TENM2: variants seen among roughly 807,000 people sequenced by gnomAD.
TENM2 encodes the protein teneurin transmembrane protein 2, also known as teneurin-2.
A neutral mutation model predicts 245.2 loss-of-function variants in TENM2; 52 were observed. The observed-to-expected ratio is 0.21, with a 90% CI of 0.17 to 0.27. TENM2 has a LOEUF of 0.27. Ranked by LOEUF, TENM2 falls within the 10% of genes least tolerant of loss-of-function variation. The probability of loss-of-function intolerance (pLI) is 1.00; values close to 1 mark genes in which losing one functional copy is unlikely to be tolerated. For missense variants in TENM2, 3,046 were observed against 3,666.8 expected (o/e 0.83, Z 4.37); for synonymous variants, 1,363 against 1,438.9 (o/e 0.95, Z 1.19).
upstream of TENM2, among the ~76,000 whole-genome samples, chr5:167,283,921 C>T (rs193159034): frequency 2.6e-5 from 4 of 152,140 alleles, no homozygotes; most frequent in African/African-American, 9.6e-5. Context: ...CCCTGGTTGC[C>T]AGTTCATATG....
chr5:167,999,799 G>A (rs939265445), intron 5 of TENM2, among the ~76,000 whole-genome samples: 48 of 152,180 alleles, frequency 3.2e-4, no homozygotes, highest in African/African-American at 1.1e-3. Context: ...GGCAGACGCT[G>A]GTGATGAGAG....
chr5:168,191,888 G>A (rs1760996568), intron 14 of TENM2, among the ~76,000 whole-genome samples: 1 of 152,038 alleles, frequency 6.6e-6, no homozygotes, highest in South Asian at 2.1e-4. Context: ...AGAGCTCTCT[G>A]GAAAGTTGGA....
intron 7 of TENM2, among the ~76,000 whole-genome samples, chr5:168,065,487 C>A (rs1219936529): frequency 6.6e-6 from 1 of 152,038 alleles, no homozygotes; most frequent in Non-Finnish European, 1.5e-5. Flanking sequence ...ACAATAACAA[C>A]AAAGGTAAGA....
chr5:167,127,750 A>C, the TENM2 span, among the ~76,000 whole-genome samples: 2 of 152,218 alleles, frequency 1.3e-5, no homozygotes, highest in Middle Eastern at 3.4e-3. Context: ...GATGCTGTGA[A>C]CACATTAAAA....
At chr5:167,068,476 T>A in the TENM2 span, among the ~76,000 whole-genome samples, 1 of 152,238 alleles carries the variant, frequency 6.6e-6, no homozygotes, top group African/African-American at 2.4e-5. Context: ...ATATTTTATT[T>A]AACCTGAGAT....
At chr5:168,055,973 G>T (rs1010050450) in intron 6 of TENM2, among the ~76,000 whole-genome samples, 3 of 152,154 alleles carry the variant, frequency 2.0e-5, no homozygotes, top group African/African-American at 7.2e-5. Flanking sequence ...GTCTAGCTAG[G>T]CATTAGACAT....
chr5:167,024,098 G>A, the TENM2 span, among the ~76,000 whole-genome samples: 3 of 152,092 alleles, frequency 2.0e-5, no homozygotes, highest in African/African-American at 7.2e-5. Flanking sequence ...TTCAAAATAA[G>A]GTAATAGGCT....
intron 2 of TENM2, among the ~76,000 whole-genome samples, chr5:167,411,665 A>G (rs1188323149): frequency 3.3e-5 from 5 of 151,834 alleles, no homozygotes; most frequent in Non-Finnish European, 7.4e-5. Context: ...AGCTTAAAAT[A>G]TCTCTACAGG....
intron 2 of TENM2, among the ~76,000 whole-genome samples, chr5:167,432,391 C>T (rs1764303862): frequency 6.6e-6 from 1 of 151,840 alleles, no homozygotes; most frequent in Admixed American, 6.6e-5. Flanking sequence ...GGTAACCCCA[C>T]TGCATTCTTT....
At chr5:167,657,494 A>G (rs1364129758) in intron 2 of TENM2, among the ~76,000 whole-genome samples, 1 of 152,196 alleles carries the variant, frequency 6.6e-6, no homozygotes, top group Non-Finnish European at 1.5e-5. Flanking sequence ...CTTTGGATAA[A>G]TGCCCAGTAG....
chr5:167,276,104 C>T, the TENM2 span, among the ~76,000 whole-genome samples: 6 of 151,810 alleles, frequency 4.0e-5, no homozygotes, highest in Non-Finnish European at 7.4e-5. Context: ...TATTTGCTAT[C>T]GTAAGGATTT....
intron 2 of TENM2, among the ~76,000 whole-genome samples, chr5:167,779,738 T>C (rs533025796): frequency 6.6e-6 from 1 of 152,160 alleles, no homozygotes; most frequent in Non-Finnish European, 1.5e-5. Flanking sequence ...CAAACAAGTC[T>C]CAGAGAGAAA....
chr5:168,220,526 G>A (rs530203887), intron 23 of TENM2, among the ~76,000 whole-genome samples: 47 of 152,254 alleles, frequency 3.1e-4, no homozygotes, highest in African/African-American at 1.1e-3. Flanking sequence ...AATTTGATAA[G>A]CTGCCCTTTT....
At position 167,406,006 on chromosome 5, in the gene TENM2, G is replaced by A. The variant is rs74820317; in HGVS notation, c.502+30533G>A. ...CTTTCTCATTTTAATTTCAACCAGA[G>A]AAGAATACATTGAATATAAACAGGG... On this transcript the variant is annotated intron_variant, in intron 2 of 28. Transcript: ENST00000518659. Among the ~76,000 whole-genome samples, 475 of 152,130 alleles carry A rather than the reference G, an allele frequency of 3.1e-3. 5 individuals carry two copies. Among genetic ancestry groups the A allele is most frequent in the Non-Finnish European group, 2.7e-3 (183 of 67,986 alleles).
chr5:167,084,365 A>ATATATATATATATATG, the TENM2 span, among the ~76,000 whole-genome samples: 13 of 122,480 alleles, frequency 1.1e-4, no homozygotes, highest in African/African-American at 3.6e-4. Flanking sequence ...ATATATATAT[A>ATATATATATATATATG]TACAGATCAG....
intron 2 of TENM2, among the ~76,000 whole-genome samples, chr5:167,461,707 C>T (rs933289580): frequency 2.6e-5 from 4 of 152,048 alleles, no homozygotes; most frequent in Non-Finnish European, 4.4e-5. Context: ...AATCAGCAAC[C>T]AAGGCTCTAT....
At chr5:167,655,479 C>T (rs1304860359) in intron 2 of TENM2, among the ~76,000 whole-genome samples, 1 of 152,164 alleles carries the variant, frequency 6.6e-6, no homozygotes, top group Non-Finnish European at 1.5e-5. Flanking sequence ...AACAGATGTC[C>T]ATTACTTTAG....
the TENM2 span, among the ~76,000 whole-genome samples, chr5:167,134,617 G>A: frequency 2.6e-5 from 4 of 152,110 alleles, no homozygotes; most frequent in African/African-American, 7.2e-5. Context: ...TGGTTTGGTC[G>A]GTTTTGCATA....
chr5:167,667,223 G>A (rs1383582599), intron 2 of TENM2, among the ~76,000 whole-genome samples: 2 of 152,076 alleles, frequency 1.3e-5, no homozygotes, highest in African/African-American at 2.4e-5. Context: ...TTCTGGCTTG[G>A]TTCAATAGTT....
Sources: gnomAD v4.1 joint callset for allele counts (sites outside exome capture counted in the v4.1 genomes callset) on GRCh38, gnomAD v4.1.1 for gene constraint, MANE v1.5 for transcripts, NCBI Gene and HGNC (gene_info 2026-07-23, HGNC 2026-07-21) for gene names.